IPP: variants seen among roughly 807,000 people sequenced by gnomAD.
IPP encodes the protein actin-binding protein IPP.
In IPP, 41 loss-of-function variants were observed where a neutral mutation model predicts 64.1. That is an observed-to-expected ratio of 0.64 (90% CI 0.50 to 0.83). The LOEUF is 0.83. Among genes scored for constraint, IPP ranks in the 40% least tolerant of loss-of-function variants. IPP has a pLI of 0.00. For missense variants in IPP, 649 were observed against 703.0 expected, an observed-to-expected ratio of 0.92 and a Z score of 0.87; for synonymous variants, 214 against 235.2, an observed-to-expected ratio of 0.91 and a Z score of 0.83.
chr1:45,724,617 A>G (rs1174379296), intron 5 of IPP, among the ~76,000 whole-genome samples: 1 of 127,338 alleles, frequency 7.9e-6, no homozygotes, highest in Non-Finnish European at 1.6e-5. Context: ...TGTGGGGAGC[A>G]CCTCTGCCCC....
In IPP at chr1:45,741,199, A is replaced by G. The variant is rs763137637; in HGVS notation, c.426T>C (p.Ile142=). 3.7e-6 allele frequency: 6 copies of G among 1,614,184 alleles called. No homozygotes were observed. The highest frequency in any genetic ancestry group is 4.2e-6 in the Non-Finnish European group (5 of 1,180,016). ...AGGCAATTTGCTCAGAGAACTGAAAAATTCCAATGCAGTTCAGTGGATCAA... is the reference window on the plus strand; with the variant it reads ...AGGCAATTTGCTCAGAGAACTGAAAGATTCCAATGCAGTTCAGTGGATCAA... ...GQIDPLNCIG[I]FQFSEQIACH... The change falls in exon 3 of 9, where the codon ATT becomes ATC. Residue 142 remains isoleucine (I), a synonymous_variant. Coordinates refer to ENST00000396478, the MANE Select transcript of IPP (RefSeq NM_005897.3).
chr1:45,724,906 G>T (rs1390725852), intron 5 of IPP, among the ~76,000 whole-genome samples: 1 of 141,300 alleles, frequency 7.1e-6, no homozygotes, highest in African/African-American at 2.7e-5. Flanking sequence ...TCAGCCCCCC[G>T]CCCGGCCAGC....
intron 2 of IPP, among the ~76,000 whole-genome samples, chr1:45,743,282 G>C (rs960305930): frequency 1.3e-5 from 2 of 149,550 alleles, no homozygotes; most frequent in Non-Finnish European, 3.0e-5. Context: ...CTGTTGCCCA[G>C]GCTAGAGTAC....
At position 45,718,692 on chromosome 1, in the gene IPP, G is replaced by A. The variant is rs184872076; in HGVS notation, c.1186+511C>T. Among the ~76,000 whole-genome samples, 11 of 152,146 alleles carry A rather than the reference G, an allele frequency of 7.2e-5. No individual in the cohort carries two copies. The East Asian group carries it at 1.9e-3, about 27-fold the overall frequency. ...AAAGAATGTAAAGAGCTGAAAAGAG[G>A]GAAAGAACATCTCCAAAGTCATCAG... is the stretch of plus-strand genomic sequence containing the variant. On this transcript the variant is annotated intron_variant, in intron 6 of 8. Coordinates refer to ENST00000396478, the MANE Select transcript of IPP (RefSeq NM_005897.3).
intron 2 of IPP, among the ~76,000 whole-genome samples, chr1:45,743,102 TA>T (rs1646088034): frequency 6.6e-6 from 1 of 151,750 alleles, no homozygotes; most frequent in African/African-American, 2.4e-5. Flanking sequence ...CATAACCAGC[TA>T]ATTTTTGTAT....
chr1:45,726,094 T>A (rs187982079), intron 5 of IPP, among the ~76,000 whole-genome samples: 32,114 of 134,186 alleles, frequency 0.24, 3,551 homozygotes, highest in African/African-American at 0.26. Context: ...ATAAAAAAAA[T>A]AAATAAATAA....
chr1:45,716,523 G>A (rs766619053), intron 7 of IPP, among the ~76,000 whole-genome samples: 5 of 152,176 alleles, frequency 3.3e-5, no homozygotes, highest in Non-Finnish European at 7.3e-5. Flanking sequence ...GGGATTACAG[G>A]CATGAGCCAC....
chr1:45,724,821 G>C (rs1000860229), intron 5 of IPP, among the ~76,000 whole-genome samples: 1 of 150,438 alleles, frequency 6.6e-6, no homozygotes, highest in Non-Finnish European at 1.5e-5. Flanking sequence ...CCCTCCGTCC[G>C]GCAGCCACCC....
At chr1:45,704,484 C>T (rs1417014568) in intron 8 of IPP, among the ~76,000 whole-genome samples, 1 of 152,118 alleles carries the variant, frequency 6.6e-6, no homozygotes, top group East Asian at 1.9e-4. Flanking sequence ...AATCCACCCG[C>T]CTCGGCCTCC....
At chr1:45,722,225 G>C (rs954978431) in intron 5 of IPP, among the ~76,000 whole-genome samples, 1 of 151,992 alleles carries the variant, frequency 6.6e-6, no homozygotes, top group Non-Finnish European at 1.5e-5. Flanking sequence ...CTGCCCTCTA[G>C]CCTGGGTGAC....
rs112389335 is a variant in IPP at position 45,731,625 on chromosome 1, A to G, written c.725-1856T>C. Among the ~76,000 whole-genome samples the G allele has an allele frequency of 5.7e-3, 867 of 152,224 alleles. 4 individuals are homozygous for G. Among genetic ancestry groups the G allele is most frequent in the Non-Finnish European group, 8.5e-3 (576 of 68,008 alleles). On this transcript the variant is annotated intron_variant, in intron 3 of 8. Transcript: ENST00000396478. ...CAGTATGAGCAAGATATCAAGAAAG[A>G]GCATATGCCTTATTAAAGTACATCC...
intron 5 of IPP, among the ~76,000 whole-genome samples, chr1:45,722,426 C>T (rs1424450226): frequency 6.6e-6 from 1 of 151,930 alleles, no homozygotes; most frequent in Non-Finnish European, 1.5e-5. Flanking sequence ...TGGTGCATGC[C>T]TGTAATCCCA....
At chr1:45,696,064 C>G (rs1239877784), downstream of IPP, among the ~76,000 whole-genome samples, 1 of 152,176 alleles carries the variant, frequency 6.6e-6, no homozygotes, top group African/African-American at 2.4e-5. Context: ...TATTAAATTG[C>G]ATGAATGCTA....
At chr1:45,745,254 GT>G (rs750110901) in intron 2 of IPP, among the ~76,000 whole-genome samples, 3 of 152,038 alleles carry the variant, frequency 2.0e-5, no homozygotes, top group Non-Finnish European at 2.9e-5. Flanking sequence ...ATAGTTTTGA[GT>G]AAAATAACAT....
chr1:45,736,982 G>A (rs990593130), intron 3 of IPP, among the ~76,000 whole-genome samples: 13 of 147,380 alleles, frequency 8.8e-5, no homozygotes, highest in Admixed American at 3.5e-4. Flanking sequence ...GGCGGAGGTT[G>A]CAGTGAGCCG....
chr1:45,721,405 T>C (rs1266414066), intron 5 of IPP, among the ~76,000 whole-genome samples: 1 of 152,224 alleles, frequency 6.6e-6, no homozygotes, highest in Admixed American at 6.5e-5. Flanking sequence ...TGCAAAAACC[T>C]TGGGCACTAT....
At chr1:45,725,445 GC>G (rs1207812135) in intron 5 of IPP, among the ~76,000 whole-genome samples, 1 of 137,468 alleles carries the variant, frequency 7.3e-6, no homozygotes, top group Non-Finnish European at 1.6e-5. Context: ...CTGGCCAGCC[GC>G]CCCATCCGGG....
intron 3 of IPP, among the ~76,000 whole-genome samples, chr1:45,739,310 T>A (rs1246250394): frequency 1.3e-5 from 2 of 151,868 alleles, no homozygotes. Flanking sequence ...CCTGGCTCAA[T>A]GTAGCCTTGA....
In IPP at chr1:45,711,717, G is replaced by A. The variant is rs575710714; in HGVS notation, c.1530+2529C>T. Among the ~76,000 whole-genome samples, 36 of 148,938 alleles carry A rather than the reference G, an allele frequency of 2.4e-4. 1 individual carries two copies. In the South Asian group the frequency reaches 6.1e-3, roughly 25 times the overall value. The stretch of plus-strand genomic sequence containing the variant: ...TGCAGTGAGCTCTGATCATGCCACT[G>A]TACTCTAGCTTAGGCGTCAGAGTAA... On this transcript the variant is annotated intron_variant, in intron 8 of 8. Coordinates refer to ENST00000396478, the MANE Select transcript of IPP (RefSeq NM_005897.3).
Sources: allele counts gnomAD v4.1 joint callset (sites outside exome capture counted in the v4.1 genomes callset), GRCh38; gene constraint gnomAD v4.1.1; transcripts MANE v1.5; gene names NCBI Gene and HGNC (gene_info 2026-07-23, HGNC 2026-07-21).